Variants in MARCHF10 observed in about 807,000 individuals in gnomAD.
The protein encoded by MARCHF10 is probable E3 ubiquitin-protein ligase MARCHF10.
A neutral mutation model predicts 76.2 loss-of-function variants in MARCHF10; 64 were observed. The ratio of observed to expected loss-of-function variants is 0.84; its 90% CI spans 0.69 to 1.03. MARCHF10 has a LOEUF of 1.03. Among genes scored for constraint, MARCHF10 ranks in the 50% least tolerant of loss-of-function variants. The pLI is 0.00. For synonymous variants in MARCHF10, 340 were observed against 357.5 expected (o/e 0.95, Z 0.55); for missense variants, 875 against 958.0 (o/e 0.91, Z 1.14).
chr17:62,756,250 AAAC>A (rs577095981), intron 4 of MARCHF10, among the ~76,000 whole-genome samples: 4 of 152,036 alleles, frequency 2.6e-5, no homozygotes, highest in Admixed American at 6.6e-5. Flanking sequence ...CTCTGTCTCA[AAAC>A]AACAACAACA....
At chr17:62,763,583 T>C (rs1248512612) in intron 3 of MARCHF10, among the ~76,000 whole-genome samples, 1 of 152,194 alleles carries the variant, frequency 6.6e-6, no homozygotes, top group East Asian at 1.9e-4. Flanking sequence ...ATAATTACAA[T>C]TTTCATTCCT....
In MARCHF10 at chr17:62,736,877, T is replaced by G. The variant is rs1476094010; in HGVS notation, c.991A>C (p.Asn331His). ...GTSTPQAKNKNFEENAENCRG... is the reference protein window; with the variant it reads ...GTSTPQAKNKHFEENAENCRG... ...CAATTTTCAGCATTTTCTTCAAAAT[T>G]TTTATTTTTGGCCTGAGGGGTCGAT... The change falls in exon 6 of 11, where the codon AAT becomes CAT. Residue 331 changes from asparagine to histidine, a missense_variant. By Grantham distance (68) the Asn-to-His change is moderately conservative. Transcript: ENST00000311269. 4 of 1,613,984 alleles carry G rather than the reference T, an allele frequency of 2.5e-6. No homozygotes were observed. In the Admixed American group the frequency reaches 6.7e-5, roughly 27 times the overall value.
At chr17:62,723,582 G>A (rs114231439) in intron 7 of MARCHF10, among the ~76,000 whole-genome samples, 761 of 57,198 alleles carry the variant, frequency 0.013, 12 homozygotes, top group African/African-American at 0.091. Context: ...TTTTTTTAGC[G>A]TCATTCAGTA....
rs748512893 is a variant in MARCHF10 at position 62,725,086 on chromosome 17, G to A, written c.1956C>T (p.Ser652=). Reference sequence around the variant, plus strand: ...TGCGACACAAGTCTCCCTCCTCCTCGGAGTCCTCCTCCAGGAGACTAAATG... The same window carrying A: ...TGCGACACAAGTCTCCCTCCTCCTCAGAGTCCTCCTCCAGGAGACTAAATG... ...KLQESLLEED[S]EEEGDLCRIC... The change falls in exon 7 of 11, where the codon TCC becomes TCT. Residue 652 remains serine (S), a synonymous_variant. Transcript: ENST00000311269. 1.6e-5 allele frequency: 25 copies of A among 1,599,264 alleles called. No individual in the cohort carries two copies. Among genetic ancestry groups the A allele is most frequent in the South Asian group, 5.7e-5 (5 of 88,448 alleles).
intron 3 of MARCHF10, among the ~76,000 whole-genome samples, chr17:62,773,633 C>G (rs992260113): frequency 1.3e-5 from 2 of 152,126 alleles, no homozygotes; most frequent in African/African-American, 2.4e-5. Context: ...GGATGAGACC[C>G]AGGCTCACGG....
intron 8 of MARCHF10, among the ~76,000 whole-genome samples, chr17:62,718,764 A>G (rs34672337): frequency 0.05 from 7,589 of 152,242 alleles, 215 homozygotes; most frequent in Middle Eastern, 0.071. Context: ...CCTGGTGGTT[A>G]TGATGCAGTG....
intron 6 of MARCHF10, among the ~76,000 whole-genome samples, chr17:62,731,878 T>G (rs1168780089): frequency 6.6e-6 from 1 of 152,150 alleles, no homozygotes; most frequent in Non-Finnish European, 1.5e-5. Context: ...AGAAAAGGAT[T>G]AAAAAGCATA....
intron 3 of MARCHF10, among the ~76,000 whole-genome samples, chr17:62,777,019 C>T (rs1427663357): frequency 6.6e-6 from 1 of 152,190 alleles, no homozygotes; most frequent in Admixed American, 6.5e-5. Context: ...ATGGCCACTG[C>T]AGATTGGCAG....
At chr17:62,713,512 G>T (rs753729491) in intron 8 of MARCHF10, among the ~76,000 whole-genome samples, 1 of 152,176 alleles carries the variant, frequency 6.6e-6, no homozygotes, top group African/African-American at 2.4e-5. Flanking sequence ...CAATCTCGCC[G>T]GCTCGGTTCC....
intron 4 of MARCHF10, among the ~76,000 whole-genome samples, chr17:62,749,506 C>T (rs1474795881): frequency 6.6e-6 from 1 of 152,168 alleles, no homozygotes; most frequent in Non-Finnish European, 1.5e-5. Flanking sequence ...AGCTTAATCG[C>T]AGGAGCCAAT....
intron 2 of MARCHF10, among the ~76,000 whole-genome samples, chr17:62,789,124 A>AAAC: frequency 6.7e-6 from 1 of 149,584 alleles, no homozygotes; most frequent in East Asian, 2.0e-4. Flanking sequence ...CCATTACTTT[A>AAAC]ATAAATTCAA....
chr17:62,797,362 G>A lies in MARCHF10; in HGVS notation c.90+4284C>T, dbSNP rs952934396. On this transcript the variant is annotated intron_variant, in intron 2 of 10. Coordinates refer to ENST00000311269, the MANE Select transcript of MARCHF10 (RefSeq NM_152598.4). ...TGGGATTACAGGTGCCTGACACCAC[G>A]CCCAGCTAATTTTTTGTATTTTTAG... Among the ~76,000 whole-genome samples, 6 of 151,992 alleles carry A rather than the reference G, an allele frequency of 3.9e-5. No individual in the cohort carries two copies. In the East Asian group the frequency reaches 5.8e-4, roughly 15 times the overall value.
At chr17:62,753,637 C>A (rs192031108) in intron 4 of MARCHF10, among the ~76,000 whole-genome samples, 2 of 152,208 alleles carry the variant, frequency 1.3e-5, no homozygotes, top group African/African-American at 4.8e-5. Context: ...CCCTCTCCTC[C>A]GTTCCTTTGC....
Position 62,777,713 on chromosome 17 carries a change from C to CAAAAAAA in MARCHF10, c.210+10760_210+10766dup, listed in dbSNP as rs386386400. Among the ~76,000 whole-genome samples the CAAAAAAA allele has an allele frequency of 9.7e-4, 58 of 59,594 alleles. 2 individuals are homozygous for CAAAAAAA. Among genetic ancestry groups the CAAAAAAA allele is most frequent in the East Asian group, 4.0e-3 (7 of 1,730 alleles). The allele number at this position is 59,594 out of a possible 152,430, so 39.1% of individuals were successfully genotyped here. A position where few individuals can be genotyped will look rare whatever the true frequency, so the allele number is the denominator to read the frequency against. On this transcript the variant is annotated intron_variant, in intron 3 of 10. Coordinates refer to ENST00000311269, the MANE Select transcript of MARCHF10 (RefSeq NM_152598.4). ...TGGGTTACAAAGTGAGACTCCATCT[C>CAAAAAAA]AAAAAAAAAAAAAAGAAAAAAAAAA...
At chr17:62,773,516 T>A (rs1466721791) in intron 3 of MARCHF10, among the ~76,000 whole-genome samples, 1 of 151,866 alleles carries the variant, frequency 6.6e-6, no homozygotes, top group Non-Finnish European at 1.5e-5. Context: ...GAGGGGGATG[T>A]GGGATAAGGA....
At position 62,725,005 on chromosome 17, in the gene MARCHF10, A is replaced by G; in HGVS notation, c.2037T>C (p.Cys679=). ...GATGAACAAACTGCAGGCTTCCCACACAGCCGCAAGGCTCCAGGAGGGGGT... is the reference window on the plus strand; with the variant it reads ...GATGAACAAACTGCAGGCTTCCCACGCAGCCGCAAGGCTCCAGGAGGGGGT... ...PSNPLLEPCG[C]VGSLQFVHQE... The change falls in exon 7 of 11, where the codon TGT becomes TGC. Residue 679 remains cysteine, a synonymous_variant. Coordinates refer to ENST00000311269, the MANE Select transcript of MARCHF10 (RefSeq NM_152598.4). The G allele has an allele frequency of 6.2e-7, 1 of 1,611,312 alleles. No individual in the cohort carries two copies. The highest frequency in any genetic ancestry group is 8.5e-7 in the Non-Finnish European group (1 of 1,179,046).
chr17:62,805,984 ACTCT>A (rs1316707704), intron 1 of MARCHF10, among the ~76,000 whole-genome samples: 2 of 151,944 alleles, frequency 1.3e-5, no homozygotes, highest in Admixed American at 6.6e-5. Context: ...CTTCCCATAA[ACTCT>A]CTATTACATT....
At chr17:62,754,902 G>A (rs1366048515) in intron 4 of MARCHF10, among the ~76,000 whole-genome samples, 1 of 152,176 alleles carries the variant, frequency 6.6e-6, no homozygotes, top group Non-Finnish European at 1.5e-5. Context: ...GGTGAATTAT[G>A]AGGATTTAGG....
At chr17:62,746,811 G>T in intron 4 of MARCHF10, 1 of 1,184,264 alleles carries the variant, frequency 8.4e-7, no homozygotes, top group Non-Finnish European at 1.2e-6. Context: ...ACGCACCCCA[G>T]GCAGCAGAAC....
Sources: gnomAD v4.1 joint callset for allele counts (sites outside exome capture counted in the v4.1 genomes callset) on GRCh38, gnomAD v4.1.1 for gene constraint, MANE v1.5 for transcripts, NCBI Gene and HGNC (gene_info 2026-07-23, HGNC 2026-07-21) for gene names.